Variants in GAB3 observed in about 807,000 individuals in gnomAD.
GAB3 encodes the protein GRB2-associated-binding protein 3.
A neutral mutation model predicts 40.4 loss-of-function variants in GAB3; 12 were observed. That is an observed-to-expected ratio of 0.30 (90% CI 0.19 to 0.48). The LOEUF (loss-of-function observed/expected upper bound fraction) is 0.48, where lower values mean the gene tolerates loss of function less well. Ranked by LOEUF, GAB3 falls within the 20% of genes least tolerant of loss-of-function variation. GAB3 has a pLI of 0.99. For synonymous variants in GAB3, 154 were observed against 176.7 expected (o/e 0.87, Z 1.02); for missense variants, 381 against 461.9 (o/e 0.82, Z 1.61).
intron 8 of GAB3, among the ~76,000 whole-genome samples, chrX:154,685,020 T>A (rs1310556252): frequency 1.8e-5 from 2 of 112,088 alleles, no homozygotes; most frequent in Non-Finnish European, 3.8e-5. Context: ...AACTTATTCA[T>A]AAATTATCTT....
intron 1 of GAB3, among the ~76,000 whole-genome samples, chrX:154,718,747 G>A (rs2071085251): frequency 9.0e-6 from 1 of 111,468 alleles, no homozygotes; most frequent in African/African-American, 3.3e-5. Context: ...CTTTCATGGG[G>A]AGGGAGCATG....
intron 8 of GAB3, among the ~76,000 whole-genome samples, chrX:154,686,437 CA>C (rs782296474): frequency 0.015 from 1,092 of 74,229 alleles, 5 homozygotes; most frequent in Non-Finnish European, 0.019. Flanking sequence ...CTGTCTCTAC[CA>C]AAAAAAAAAA....
chrX:154,692,415 G>T lies in GAB3; in HGVS notation c.1530+3502C>A, dbSNP rs147657618. 8.8e-3 allele frequency among the ~76,000 whole-genome samples: 988 copies of T among 112,169 alleles called. 11 individuals are homozygous for T. Among genetic ancestry groups the T allele is most frequent in the African/African-American group, 0.03 (924 of 30,908 alleles). On this transcript the variant is annotated intron_variant, in intron 8 of 9. Coordinates refer to ENST00000424127, the MANE Select transcript of GAB3 (RefSeq NM_001081573.3). ...ATGGCCAATAAGTACATAAAAAGAT[G>T]TTCATTAATCATTAGGGAAATGCAA...
chrX:154,729,509 A>C, intron 1 of GAB3, among the ~76,000 whole-genome samples: 1 of 111,762 alleles, frequency 8.9e-6, no homozygotes, highest in East Asian at 2.8e-4. Context: ...CGGAAGATGA[A>C]GCTAGAGATG....
At chrX:154,691,890 G>A (rs782007998) in intron 8 of GAB3, among the ~76,000 whole-genome samples, 22 of 111,746 alleles carry the variant, frequency 2.0e-4, no homozygotes, top group Admixed American at 9.5e-4. Context: ...CAATGAGAGC[G>A]CCAGGACCAT....
intron 4 of GAB3, among the ~76,000 whole-genome samples, chrX:154,708,236 A>G (rs1177035661): frequency 8.9e-6 from 1 of 112,476 alleles, no homozygotes; most frequent in Non-Finnish European, 1.9e-5. Flanking sequence ...GAAATGGATT[A>G]TAGACTTCAA....
intron 1 of GAB3, among the ~76,000 whole-genome samples, chrX:154,729,758 G>T (rs1234796104): frequency 8.9e-6 from 1 of 111,927 alleles, no homozygotes; most frequent in African/African-American, 3.3e-5. Context: ...ATCTCGTGCA[G>T]TGGTCAGGGC....
At chrX:154,723,466 A>G (rs1415903812) in intron 1 of GAB3, among the ~76,000 whole-genome samples, 6 of 111,830 alleles carry the variant, frequency 5.4e-5, no homozygotes, top group African/African-American at 1.3e-4. Flanking sequence ...AAGTTCAGAG[A>G]TGGGTCAGGA....
At chrX:154,746,404 C>T (rs1192058451) in intron 1 of GAB3, among the ~76,000 whole-genome samples, 2 of 111,886 alleles carry the variant, frequency 1.8e-5, no homozygotes, top group Non-Finnish European at 3.8e-5. Context: ...TGAAGTTTAT[C>T]CCATAAGTTC....
rs782248964 is a variant in GAB3 at position 154,716,523 on chromosome X, G to A, written c.73-194C>T. ...ATTGGATGATTTTAAGGACGGGTCA[G>A]GATTGGAGAGTCTAGTAATGGGATT... On this transcript the variant is annotated intron_variant, in intron 1 of 9. Coordinates refer to ENST00000424127, the MANE Select transcript of GAB3 (RefSeq NM_001081573.3). Among the ~76,000 whole-genome samples the A allele has an allele frequency of 4.9e-4, 55 of 112,861 alleles. 1 individual carries two copies. Among genetic ancestry groups the A allele is most frequent in the Non-Finnish European group, 8.8e-4 (47 of 53,318 alleles).
intron 8 of GAB3, among the ~76,000 whole-genome samples, chrX:154,689,452 A>G (rs1335687489): frequency 9.0e-6 from 1 of 111,384 alleles, no homozygotes; most frequent in Non-Finnish European, 1.9e-5. Flanking sequence ...AGGCTATTCA[A>G]TTAGGAAAAG....
In GAB3 at chrX:154,712,977, A is replaced by T. The variant is rs189306425; in HGVS notation, c.596+230T>A. Among the ~76,000 whole-genome samples the T allele has an allele frequency of 1.0e-3, 118 of 112,648 alleles. 1 individual carries two copies. The highest frequency in any genetic ancestry group is 3.8e-3 in the Admixed American group (41 of 10,710). ...AAGCATGACTCATTCTGTTTAGTAT[A>T]CTACATGCTTCATCTTTCACAGTGG... On this transcript the variant is annotated intron_variant, in intron 3 of 9. Transcript: ENST00000424127.
intron 8 of GAB3, among the ~76,000 whole-genome samples, chrX:154,693,947 T>C (rs1405645352): frequency 1.8e-5 from 2 of 111,554 alleles, no homozygotes; most frequent in Admixed American, 1.9e-4. Flanking sequence ...GAAGGATATA[T>C]GGCAAAACTT....
chrX:154,711,209 G>A (rs2070938576), intron 4 of GAB3, among the ~76,000 whole-genome samples: 1 of 111,567 alleles, frequency 9.0e-6, no homozygotes, highest in Admixed American at 9.5e-5. Flanking sequence ...GTGATGTGTG[G>A]GTGATTATAT....
intron 9 of GAB3, 47 bp from the exon 10 acceptor site, chrX:154,678,341 G>T: frequency 1.5e-6 from 1 of 665,468 alleles, no homozygotes; most frequent in Non-Finnish European, 2.4e-6. Flanking sequence ...AACTTAAAAT[G>T]TCAGGAAAAT....
At chrX:154,744,674 A>G (rs1417677828) in intron 1 of GAB3, among the ~76,000 whole-genome samples, 1 of 112,553 alleles carries the variant, frequency 8.9e-6, no homozygotes, top group African/African-American at 3.2e-5. Flanking sequence ...ACTGAATAAC[A>G]TTATCAACCA....
At chrX:154,730,865 G>C (rs1344392474) in intron 1 of GAB3, among the ~76,000 whole-genome samples, 1 of 112,046 alleles carries the variant, frequency 8.9e-6, no homozygotes, top group Non-Finnish European at 1.9e-5. Context: ...TCCAAGGCGT[G>C]GAATAACTTC....
chrX:154,751,312 A>G (rs1359813531), upstream of GAB3, among the ~76,000 whole-genome samples: 1 of 99,119 alleles, frequency 1.0e-5, no homozygotes, highest in Admixed American at 1.1e-4. Flanking sequence ...GGGGGAGCCT[A>G]CGCAGCAGGG....
At chrX:154,691,595 T>C (rs1341658105) in intron 8 of GAB3, among the ~76,000 whole-genome samples, 1 of 111,778 alleles carries the variant, frequency 8.9e-6, no homozygotes, top group Non-Finnish European at 1.9e-5. Flanking sequence ...CATGATAATA[T>C]TATGCAAAAC....
Sources: allele counts gnomAD v4.1 joint callset (sites outside exome capture counted in the v4.1 genomes callset), GRCh38; gene constraint gnomAD v4.1.1; transcripts MANE v1.5; gene names NCBI Gene and HGNC (gene_info 2026-07-23, HGNC 2026-07-21).